The following SLC25A48 variants were observed in gnomAD, a reference collection of about 807,000 sequenced individuals.
SLC25A48 encodes the protein CTC-321K16.1.
A neutral mutation model predicts 32.2 loss-of-function variants in SLC25A48; 29 were observed. The ratio of observed to expected loss-of-function variants is 0.90; its 90% CI spans 0.67 to 1.23. SLC25A48 has a LOEUF of 1.23. Among genes scored for constraint, SLC25A48 ranks in the 50% most tolerant of loss-of-function variants. SLC25A48 has a pLI of 0.00. For synonymous variants in SLC25A48, 164 were observed against 172.3 expected (o/e 0.95, Z 0.38); for missense variants, 399 against 422.7 (o/e 0.94, Z 0.49).
At chr5:135,782,947 G>T (rs1431627317) in intron 3 of SLC25A48, among the ~76,000 whole-genome samples, 1 of 108,946 alleles carries the variant, frequency 9.2e-6, no homozygotes, top group Admixed American at 9.1e-5. Context: ...CAGGGGGTGT[G>T]CACCCCCACT....
chr5:135,676,575 T>G (rs1195491544), intron 3 of SLC25A48, among the ~76,000 whole-genome samples: 1 of 151,968 alleles, frequency 6.6e-6, no homozygotes, highest in Non-Finnish European at 1.5e-5. Flanking sequence ...GAATCTTTCT[T>G]CTTTTCTGAT....
chr5:135,819,811 G>A (rs529402574), intron 4 of SLC25A48, among the ~76,000 whole-genome samples: 62 of 152,208 alleles, frequency 4.1e-4, no homozygotes, highest in African/African-American at 1.5e-3. Context: ...CAAATTGGCA[G>A]TATGCACATA....
intron 3 of SLC25A48, among the ~76,000 whole-genome samples, chr5:135,694,192 A>G (rs934494864): frequency 1.3e-5 from 2 of 152,166 alleles, no homozygotes; most frequent in African/African-American, 2.4e-5. Flanking sequence ...TGGCTTCTGG[A>G]TGAAACACCA....
intron 4 of SLC25A48, among the ~76,000 whole-genome samples, chr5:135,865,177 T>C (rs954010917): frequency 6.6e-6 from 1 of 152,222 alleles, no homozygotes; most frequent in African/African-American, 2.4e-5. Context: ...TTGAATCTCT[T>C]GCATGGGGTT....
chr5:135,721,247 G>T (rs186757443), intron 3 of SLC25A48, among the ~76,000 whole-genome samples: 3 of 97,274 alleles, frequency 3.1e-5, no homozygotes, highest in African/African-American at 9.4e-5. Flanking sequence ...TGTCGCCCAG[G>T]CTGGAGTACA....
intron 3 of SLC25A48, among the ~76,000 whole-genome samples, chr5:135,804,088 T>A (rs1178897951): frequency 6.6e-6 from 1 of 151,680 alleles, no homozygotes; most frequent in Non-Finnish European, 1.5e-5. Context: ...CCACACATGA[T>A]GTACACCCCC....
chr5:135,862,536 G>A (rs899775545), intron 4 of SLC25A48, among the ~76,000 whole-genome samples: 1 of 152,200 alleles, frequency 6.6e-6, no homozygotes, highest in African/African-American at 2.4e-5. Context: ...GGAAGCCACA[G>A]CCTTCAGGGT....
rs1052317056 is a variant in SLC25A48, at chr5:135,718,324, C to A, written c.-521+83368C>A. The stretch of plus-strand genomic sequence containing the variant: ...ATAGCCGGGCACTAGGCTCACATGA[C>A]AAAGCCTTTTCCTTGCATCAAGCCG... On this transcript the variant is annotated intron_variant, in intron 3 of 10. Transcript: ENST00000646290. Among the ~76,000 whole-genome samples, 3 of 152,168 alleles carry A rather than the reference C, an allele frequency of 2.0e-5. No homozygotes were observed. In the South Asian group the frequency reaches 6.2e-4, roughly 32 times the overall value.
intron 3 of SLC25A48, among the ~76,000 whole-genome samples, chr5:135,776,603 C>T (rs4524505): frequency 0.3 from 45,908 of 151,418 alleles, 7,112 homozygotes; most frequent in East Asian, 0.46. Context: ...GATATTACTC[C>T]TAATATCGCA....
At chr5:135,652,499 C>T in intron 3 of SLC25A48, 1 of 454,476 alleles carries the variant, frequency 2.2e-6, no homozygotes, top group South Asian at 1.6e-5. Context: ...GATTAATTCC[C>T]ATGGAATTAA....
intron 3 of SLC25A48, among the ~76,000 whole-genome samples, chr5:135,701,157 C>T (rs1201669970): frequency 9.9e-5 from 15 of 152,144 alleles, no homozygotes; most frequent in Admixed American, 9.2e-4. Context: ...GGCCGTCAGT[C>T]CTCCAGTCAA....
intron 3 of SLC25A48, among the ~76,000 whole-genome samples, chr5:135,742,892 G>A (rs541400267): frequency 4.0e-5 from 6 of 148,416 alleles, no homozygotes; most frequent in South Asian, 2.2e-4. Context: ...AGAACTTTGC[G>A]TATAGTAATG....
intron 1 of SLC25A48, among the ~76,000 whole-genome samples, chr5:135,616,812 T>C (rs1005700514): frequency 6.6e-5 from 10 of 152,314 alleles, no homozygotes; most frequent in African/African-American, 2.4e-4. Context: ...GAGAACGAAC[T>C]AATACAATAG....
intron 7 of SLC25A48, among the ~76,000 whole-genome samples, chr5:135,882,673 C>G (rs1458493382): frequency 6.6e-6 from 1 of 152,122 alleles, no homozygotes; most frequent in Non-Finnish European, 1.5e-5. Context: ...GTAGAAGTGG[C>G]ATCCCGACCA....
At chr5:135,864,648 C>A (rs1406364174) in intron 4 of SLC25A48, among the ~76,000 whole-genome samples, 1 of 152,176 alleles carries the variant, frequency 6.6e-6, no homozygotes, top group Non-Finnish European at 1.5e-5. Context: ...AAGCATATGG[C>A]CATGCAGTTC....
At chr5:135,613,695 G>A (rs1752124576) in intron 1 of SLC25A48, among the ~76,000 whole-genome samples, 1 of 152,064 alleles carries the variant, frequency 6.6e-6, no homozygotes, top group Non-Finnish European at 1.5e-5. Context: ...TACTAAGGAG[G>A]GTATCCTTTC....
At chr5:135,885,567 T>C (rs1296059524) in intron 7 of SLC25A48, among the ~76,000 whole-genome samples, 1 of 152,168 alleles carries the variant, frequency 6.6e-6, no homozygotes, top group African/African-American at 2.4e-5. Context: ...TGGCACTGTG[T>C]CCCTCCCTGT....
chr5:135,806,405 GTTA>G (rs1393975143), intron 3 of SLC25A48, among the ~76,000 whole-genome samples: 4 of 150,976 alleles, frequency 2.6e-5, no homozygotes, highest in South Asian at 2.1e-4. Flanking sequence ...ATTAACATTT[GTTA>G]TTATAAATAT....
intron 1 of SLC25A48, among the ~76,000 whole-genome samples, chr5:135,840,561 T>C (rs1758906334): frequency 6.6e-6 from 1 of 152,122 alleles, no homozygotes; most frequent in South Asian, 2.1e-4. Context: ...GCTTCAAGAG[T>C]CACTCCCATT....
Sources: allele counts gnomAD v4.1 joint callset (sites outside exome capture counted in the v4.1 genomes callset), GRCh38; gene constraint gnomAD v4.1.1; transcripts MANE v1.5; gene names NCBI Gene and HGNC (gene_info 2026-07-23, HGNC 2026-07-21).